Variants in LRRC4C observed in about 807,000 individuals in gnomAD.
The protein encoded by LRRC4C is leucine rich repeat containing 4C.
In LRRC4C, 5 loss-of-function variants were observed where a neutral mutation model predicts 33.6. The ratio of observed to expected loss-of-function variants is 0.15; its 90% CI spans 0.08 to 0.31. The LOEUF (loss-of-function observed/expected upper bound fraction) is 0.31, where lower values mean the gene tolerates loss of function less well. Ranked by LOEUF, LRRC4C falls within the 10% of genes least tolerant of loss-of-function variation. The probability of loss-of-function intolerance (pLI) is 1.00; values close to 1 mark genes in which losing one functional copy is unlikely to be tolerated. For missense variants in LRRC4C, 560 were observed against 796.7 expected, an observed-to-expected ratio of 0.70 and a Z score of 3.58; for synonymous variants, 329 against 302.0, an observed-to-expected ratio of 1.09 and a Z score of -0.93.
At chr11:40,223,174 C>T (rs549163487) in intron 5 of LRRC4C, among the ~76,000 whole-genome samples, 19 of 152,002 alleles carry the variant, frequency 1.2e-4, no homozygotes, top group African/African-American at 3.9e-4. Context: ...GATATATTTC[C>T]CTGAGTCCAG....
chr11:40,919,310 G>C (rs781342991), intron 2 of LRRC4C, among the ~76,000 whole-genome samples: 1 of 152,102 alleles, frequency 6.6e-6, no homozygotes, highest in Non-Finnish European at 1.5e-5. Context: ...TTTTAAAGTC[G>C]TGCATGTAAA....
intron 3 of LRRC4C, among the ~76,000 whole-genome samples, chr11:40,440,993 G>T (rs559758902): frequency 6.6e-6 from 1 of 151,892 alleles, no homozygotes; most frequent in Admixed American, 6.6e-5. Flanking sequence ...ACACTTATTG[G>T]AATAAACTAT....
rs192789511 is a variant in LRRC4C at position 40,553,237 on chromosome 11, A to C, written c.-270+94905T>G. 2.1e-4 allele frequency among the ~76,000 whole-genome samples: 32 copies of C among 152,032 alleles called. 1 individual carries two copies. The highest frequency in any genetic ancestry group is 7.5e-4 in the African/African-American group (31 of 41,476). ...CAGTGAGCTGATATCGCGCCAGTGC[A>C]CTCCAGCCTGGGTGACAGAGTGAGA... On this transcript the variant is annotated intron_variant, in intron 3 of 6. Transcript: ENST00000528697.
intron 4 of LRRC4C, among the ~76,000 whole-genome samples, chr11:40,257,543 C>T (rs938419487): frequency 6.6e-6 from 1 of 152,112 alleles, no homozygotes; most frequent in Non-Finnish European, 1.5e-5. Flanking sequence ...TTGATGCAGC[C>T]CCGAAGAGTC....
chr11:40,896,219 C>T (rs61886614), intron 2 of LRRC4C, among the ~76,000 whole-genome samples: 1,626 of 152,260 alleles, frequency 0.011, 13 homozygotes, highest in Middle Eastern at 0.031. Context: ...ATAGACCATA[C>T]CCTTAGCTCT....
intron 3 of LRRC4C, among the ~76,000 whole-genome samples, chr11:40,321,624 A>G (rs1945853140): frequency 6.6e-6 from 1 of 152,172 alleles, no homozygotes; most frequent in Admixed American, 6.5e-5. Context: ...TCTTACTATG[A>G]ACTGTGCTAT....
At chr11:41,299,314 T>G (rs562411514) in intron 1 of LRRC4C, among the ~76,000 whole-genome samples, 58 of 152,110 alleles carry the variant, frequency 3.8e-4, no homozygotes, top group Non-Finnish European at 6.9e-4. Context: ...ATATCAAACT[T>G]TCTTATAATT....
intron 1 of LRRC4C, among the ~76,000 whole-genome samples, chr11:41,291,607 C>T (rs1484257547): frequency 6.6e-6 from 1 of 152,030 alleles, no homozygotes; most frequent in African/African-American, 2.4e-5. Context: ...TTGTAATCAA[C>T]ATACATACTG....
At chr11:40,496,127 G>A (rs907084366) in intron 3 of LRRC4C, among the ~76,000 whole-genome samples, 1 of 151,980 alleles carries the variant, frequency 6.6e-6, no homozygotes, top group South Asian at 2.1e-4. Flanking sequence ...ACCACGCCTG[G>A]CCAAAAGTGT....
chr11:40,116,214 G>A lies in LRRC4C; in HGVS notation c.79C>T (p.Leu27Phe), dbSNP rs1427718063. Residue 27 changes from leucine (L) to phenylalanine (F), a missense_variant, in exon 7 of 7, where the codon CTT (leucine) becomes TTT (phenylalanine). Physicochemically the swap from Leu to Phe is conservative, Grantham distance 22 (BLOSUM62 0). Coordinates refer to ENST00000528697, the MANE Select transcript of LRRC4C (RefSeq NM_001258419.2). ...AGTTGAAGAGCCAGCAGCACCACAA[G>A]CAGGGGGTCAAATAGGGCCCTGTTA... ...RFNRALFDPL[L>F]VVLLALQLLV... The A allele has an allele frequency of 1.9e-6, 3 of 1,614,092 alleles. No individual in the cohort carries two copies. Among genetic ancestry groups the A allele is most frequent in the Admixed American group, 1.7e-5 (1 of 60,006 alleles).
intron 1 of LRRC4C, among the ~76,000 whole-genome samples, chr11:41,397,384 T>C (rs539718817): frequency 4.6e-5 from 7 of 152,108 alleles, no homozygotes; most frequent in Non-Finnish European, 7.4e-5. Flanking sequence ...ACCTTTATGA[T>C]GATCCACTTC....
intron 1 of LRRC4C, among the ~76,000 whole-genome samples, chr11:40,958,281 C>T (rs1959048805): frequency 1.3e-5 from 2 of 151,718 alleles, no homozygotes; most frequent in South Asian, 4.1e-4. Context: ...TCTTTATGCT[C>T]TCACTTTTTT....
At chr11:40,970,720 C>T (rs1278789970) in intron 1 of LRRC4C, among the ~76,000 whole-genome samples, 3 of 152,128 alleles carry the variant, frequency 2.0e-5, no homozygotes, top group Non-Finnish European at 1.5e-5. Context: ...CCTTGTTAAA[C>T]TGCTGTGACC....
chr11:41,060,436 T>C (rs887292237), intron 1 of LRRC4C, among the ~76,000 whole-genome samples: 1 of 152,188 alleles, frequency 6.6e-6, no homozygotes, highest in African/African-American at 2.4e-5. Flanking sequence ...ATGATCATAG[T>C]GGTGGCAGAT....
chr11:40,307,055 T>G (rs1945076694), intron 4 of LRRC4C, among the ~76,000 whole-genome samples: 1 of 151,956 alleles, frequency 6.6e-6, no homozygotes, highest in Non-Finnish European at 1.5e-5. Context: ...TTTGTTTTTG[T>G]TTTTTTGCTT....
chr11:41,116,330 T>C (rs1942122078), intron 1 of LRRC4C, among the ~76,000 whole-genome samples: 1 of 152,124 alleles, frequency 6.6e-6, no homozygotes, highest in Non-Finnish European at 1.5e-5. Flanking sequence ...CAGGAGAATT[T>C]AGTTAATATA....
At chr11:40,707,376 T>A (rs566475425) in intron 2 of LRRC4C, among the ~76,000 whole-genome samples, 1 of 152,344 alleles carries the variant, frequency 6.6e-6, no homozygotes, top group South Asian at 2.1e-4. Flanking sequence ...TATTTTGAGA[T>A]ACGTTCCATC....
chr11:40,797,236 T>G (rs1475854625), intron 2 of LRRC4C, among the ~76,000 whole-genome samples: 1 of 152,080 alleles, frequency 6.6e-6, no homozygotes, highest in Non-Finnish European at 1.5e-5. Flanking sequence ...CAGATATCTC[T>G]GATTGGGATA....
chr11:41,245,455 C>T (rs566633935), intron 1 of LRRC4C, among the ~76,000 whole-genome samples: 3 of 152,196 alleles, frequency 2.0e-5, no homozygotes, highest in Non-Finnish European at 2.9e-5. Context: ...GGCACCAGCA[C>T]GGGTACTGGC....
Sources: allele counts gnomAD v4.1 joint callset (sites outside exome capture counted in the v4.1 genomes callset), GRCh38; gene constraint gnomAD v4.1.1; transcripts MANE v1.5; gene names NCBI Gene and HGNC (gene_info 2026-07-23, HGNC 2026-07-21).